UBAP2: variants seen among roughly 807,000 people sequenced by gnomAD.
The protein encoded by UBAP2 is ubiquitin-associated protein 2.
Under a neutral mutation model 139.6 loss-of-function variants are expected in UBAP2, and 75 were observed. The observed-to-expected ratio is 0.54, with a 90% CI of 0.45 to 0.65. UBAP2 has a LOEUF of 0.65. Ranked by LOEUF, UBAP2 falls within the 30% of genes least tolerant of loss-of-function variation. The pLI is 0.00. For missense variants in UBAP2, 1,368 were observed against 1,369.6 expected, an observed-to-expected ratio of 1.00 and a Z score of 0.02; for synonymous variants, 526 against 526.2, an observed-to-expected ratio of 1.00 and a Z score of 0.01.
intron 11 of UBAP2, among the ~76,000 whole-genome samples, chr9:33,953,723 G>A (rs1364886735): frequency 1.3e-5 from 2 of 151,960 alleles, no homozygotes; most frequent in African/African-American, 4.8e-5. Flanking sequence ...TCAAAGTAAT[G>A]ACTAACACAT....
At chr9:33,935,163 C>CGGT (rs1824353154) in intron 17 of UBAP2, among the ~76,000 whole-genome samples, 3 of 87,926 alleles carry the variant, frequency 3.4e-5, no homozygotes, top group South Asian at 3.3e-4. Flanking sequence ...TTGGAAGTGG[C>CGGT]GGGGGGGGGG....
chr9:34,029,363 A>C (rs1338646411), intron 1 of UBAP2, among the ~76,000 whole-genome samples: 1 of 151,844 alleles, frequency 6.6e-6, no homozygotes, highest in Non-Finnish European at 1.5e-5. Flanking sequence ...CCTTGTCTCT[A>C]CTAAAAATAT....
chr9:34,042,793 A>G (rs1209535209), intron 1 of UBAP2, among the ~76,000 whole-genome samples: 2 of 151,194 alleles, frequency 1.3e-5, no homozygotes, highest in Non-Finnish European at 2.9e-5. Flanking sequence ...AATTTTACAT[A>G]TGGGGCCAGG....
intron 2 of UBAP2, among the ~76,000 whole-genome samples, chr9:34,007,848 A>G (rs1167630234): frequency 2.0e-5 from 3 of 151,792 alleles, no homozygotes; most frequent in Non-Finnish European, 2.9e-5. Flanking sequence ...TCACCTTGTT[A>G]GCCAAGATGG....
At chr9:33,954,269 T>TATACACACAC (rs370755129) in intron 11 of UBAP2, among the ~76,000 whole-genome samples, 2 of 139,810 alleles carry the variant, frequency 1.4e-5, no homozygotes, top group Non-Finnish European at 3.0e-5. Context: ...TGTGTGTATA[T>TATACACACAC]ACACACACAC....
At chr9:34,038,792 A>C (rs191249539) in intron 1 of UBAP2, among the ~76,000 whole-genome samples, 95 of 147,230 alleles carry the variant, frequency 6.5e-4, no homozygotes, top group African/African-American at 2.3e-3. Flanking sequence ...CAGACTGGGA[A>C]GTGAGGAGCG....
chr9:33,969,871 C>T (rs987228063), intron 8 of UBAP2, among the ~76,000 whole-genome samples: 1 of 150,066 alleles, frequency 6.7e-6, no homozygotes, highest in South Asian at 2.1e-4. Context: ...CAAACACCCC[C>T]CCACCCCCAA....
intron 9 of UBAP2, among the ~76,000 whole-genome samples, chr9:33,962,306 G>A (rs1322946700): frequency 6.6e-6 from 1 of 152,174 alleles, no homozygotes; most frequent in Non-Finnish European, 1.5e-5. Flanking sequence ...TTTTATACAT[G>A]ATATGTAGTA....
chr9:33,944,588 C>T lies in UBAP2; in HGVS notation c.1322G>A (p.Arg441Gln), dbSNP rs79607078. The T allele has an allele frequency of 1.8e-3, 2,965 of 1,614,032 alleles. 44 individuals are homozygous for T. In the East Asian group the frequency reaches 0.04, roughly 22 times the overall value. Residue 441 changes from arginine (R) to glutamine (Q), a missense_variant, in exon 14 of 29, where the codon CGA becomes CAA. By Grantham distance (43) the Arg-to-Gln change is conservative. Coordinates refer to ENST00000379238, the MANE Select transcript of UBAP2 (RefSeq NM_001370062.2). Reference protein sequence around the residue: ...PSPVLSQLSQRQQHQSQAVTV... With the variant: ...PSPVLSQLSQQQQHQSQAVTV... ...GACTGCCTGGCTCTGGTGCTGTTGT[C>T]GCTGGCTCAACTGGCTAAGAACTGG... is the stretch of plus-strand genomic sequence containing the variant.
chr9:34,009,773 T>C (rs1361873861), intron 2 of UBAP2, among the ~76,000 whole-genome samples: 4 of 151,320 alleles, frequency 2.6e-5, no homozygotes, highest in Non-Finnish European at 5.9e-5. Context: ...AAATATTCCA[T>C]GTAACAAATG....
intron 6 of UBAP2, among the ~76,000 whole-genome samples, chr9:33,985,679 G>T (rs961269467): frequency 4.6e-5 from 7 of 152,024 alleles, no homozygotes. Context: ...GGGTATAGAG[G>T]GTGGGGAATA....
At chr9:34,044,296 G>A (rs1021100862) in intron 1 of UBAP2, among the ~76,000 whole-genome samples, 17 of 151,902 alleles carry the variant, frequency 1.1e-4, no homozygotes, top group African/African-American at 2.7e-4. Context: ...AGCTACTCGG[G>A]AGGCTGAGGC....
At chr9:33,974,758 C>T (rs1417093411) in intron 6 of UBAP2, among the ~76,000 whole-genome samples, 2 of 151,888 alleles carry the variant, frequency 1.3e-5, no homozygotes, top group African/African-American at 4.8e-5. Context: ...TCAAAACCAA[C>T]CTGGCCAACG....
chr9:33,956,014 T>C, intron 11 of UBAP2, 65 bp downstream of exon 11: 1 of 1,331,552 alleles, frequency 7.5e-7, no homozygotes, highest in Non-Finnish European at 1.0e-6. Context: ...GAAAATACTT[T>C]TCCTGAGGCA....
chr9:33,930,791 G>A (rs307643), intron 19 of UBAP2, among the ~76,000 whole-genome samples: 29,095 of 151,208 alleles, frequency 0.19, 2,908 homozygotes, highest in South Asian at 0.36. Context: ...AGCTACTCAG[G>A]AGACTGAGGC....
chr9:34,032,531 G>A (rs1275192001), intron 1 of UBAP2, among the ~76,000 whole-genome samples: 1 of 152,070 alleles, frequency 6.6e-6, no homozygotes, highest in Non-Finnish European at 1.5e-5. Flanking sequence ...CAAAATATAG[G>A]CTAACCTACC....
chr9:33,996,571 G>A, intron 3 of UBAP2: 1 of 451,366 alleles, frequency 2.2e-6, no homozygotes, highest in Non-Finnish European at 4.0e-6. Context: ...GTTGACCAAG[G>A]AGCAGATCAT....
chr9:34,015,519 G>T (rs1824173965), intron 2 of UBAP2, among the ~76,000 whole-genome samples: 1 of 151,182 alleles, frequency 6.6e-6, no homozygotes, highest in South Asian at 2.1e-4. Flanking sequence ...TAGAGACAGG[G>T]TTTCACCATG....
At position 33,927,079 on chromosome 9, in the gene UBAP2, G is replaced by C. The variant is rs779466869; in HGVS notation, c.2373C>G (p.Gly791=). 1.2e-6 allele frequency: 2 copies of C among 1,610,012 alleles called. No individual in the cohort carries two copies. Among genetic ancestry groups the C allele is most frequent in the East Asian group, 4.5e-5 (2 of 44,866 alleles). ...CCTGAGGTAAGTTTGGGGGTGCTTTGCCTGTATAGAGGGAAAAATCAAATG... is the reference window on the plus strand; with the variant it reads ...CCTGAGGTAAGTTTGGGGGTGCTTTCCCTGTATAGAGGGAAAAATCAAATG... The part of the protein sequence containing the change: ...SSRAAPLVTS[G]KAPPNLPQGV... Residue 791 remains glycine, a splice_region_variant and synonymous_variant, in exon 21 of 29, where the codon GGC becomes GGG. Transcript: ENST00000379238.
Sources: gnomAD v4.1 joint callset for allele counts (sites outside exome capture counted in the v4.1 genomes callset) on GRCh38, gnomAD v4.1.1 for gene constraint, MANE v1.5 for transcripts, NCBI Gene and HGNC (gene_info 2026-07-23, HGNC 2026-07-21) for gene names.